MINDY2: variants seen among roughly 807,000 people sequenced by gnomAD.
The protein encoded by MINDY2 is MINDY lysine 48 deubiquitinase 2.
A neutral mutation model predicts 68.2 loss-of-function variants in MINDY2; 52 were observed. The observed-to-expected ratio is 0.76, with a 90% confidence interval of 0.61 to 0.96. The LOEUF is 0.96. MINDY2 is among the 40% of genes least tolerant of loss of function. MINDY2 has a pLI of 0.00. For synonymous variants in MINDY2, 372 were observed against 303.0 expected, an observed-to-expected ratio of 1.23 and a Z score of -2.36; for missense variants, 881 against 773.4, an observed-to-expected ratio of 1.14 and a Z score of -1.65.
chr15:58,813,888 A>G (rs1353191636), intron 4 of MINDY2, among the ~76,000 whole-genome samples: 3 of 147,002 alleles, frequency 2.0e-5, no homozygotes, highest in Admixed American at 6.8e-5. Flanking sequence ...TATTTTAGCC[A>G]TTCTTAGGTA....
At chr15:58,782,465 T>A (rs1474207113) in intron 1 of MINDY2, among the ~76,000 whole-genome samples, 1 of 152,206 alleles carries the variant, frequency 6.6e-6, no homozygotes, top group Non-Finnish European at 1.5e-5. Context: ...GCAGACATCA[T>A]TTTCTTCTAC....
chr15:58,848,318 C>G (rs2032637511), intron 7 of MINDY2, among the ~76,000 whole-genome samples: 1 of 152,088 alleles, frequency 6.6e-6, no homozygotes. Flanking sequence ...TAATTAGGTC[C>G]TAGAGATACA....
intron 1 of MINDY2, among the ~76,000 whole-genome samples, chr15:58,784,945 T>G (rs573734309): frequency 6.6e-6 from 1 of 151,948 alleles, no homozygotes; most frequent in South Asian, 2.1e-4. Context: ...TGTTATTTTT[T>G]TCATTGTAAA....
intron 5 of MINDY2, among the ~76,000 whole-genome samples, chr15:58,826,079 C>A (rs2031374884): frequency 6.6e-6 from 1 of 151,612 alleles, no homozygotes; most frequent in Non-Finnish European, 1.5e-5. Context: ...GTTTCCTTTT[C>A]TTTTTCTTTC....
intron 1 of MINDY2, among the ~76,000 whole-genome samples, chr15:58,780,355 T>C (rs1901054890): frequency 3.3e-5 from 5 of 151,218 alleles, no homozygotes; most frequent in Admixed American, 3.3e-4. Context: ...TGAGCCGAGA[T>C]AGCGCCATTG....
At chr15:58,839,426 G>A (rs1253271927) in intron 6 of MINDY2, among the ~76,000 whole-genome samples, 4 of 151,986 alleles carry the variant, frequency 2.6e-5, no homozygotes, top group Non-Finnish European at 4.4e-5. Context: ...CCACCTCCCC[G>A]GTTCAAGTGA....
Position 58,861,121 on chromosome 15 carries a change from G to C in MINDY2, c.*6511G>C, listed in dbSNP as rs565002783. ...GCTAGTGCGTGTGAATCTTTTCCTT[G>C]AATTGTGCAGAATAATTGGATTGAG... is the stretch of plus-strand genomic sequence containing the variant. On this transcript the variant is annotated 3_prime_UTR_variant, in exon 9 of 9. Coordinates refer to ENST00000559228, the MANE Select transcript of MINDY2 (RefSeq NM_001040450.3). The C allele has an allele frequency of 1.3e-5, 2 of 152,302 alleles. No homozygotes were observed. Among genetic ancestry groups the C allele is most frequent in the Non-Finnish European group, 2.9e-5 (2 of 68,026 alleles). The allele number at this position is 152,302 out of a possible 1,614,324, so 9.4% of individuals were successfully genotyped here. A position where few individuals can be genotyped will look rare whatever the true frequency, so the allele number is the denominator to read the frequency against.
At chr15:58,800,597 C>G (rs2140950293) in intron 2 of MINDY2, among the ~76,000 whole-genome samples, 1 of 151,930 alleles carries the variant, frequency 6.6e-6, no homozygotes, top group South Asian at 2.1e-4. Context: ...TCATTCTTCC[C>G]CTCAAAAGAT....
intron 6 of MINDY2, among the ~76,000 whole-genome samples, chr15:58,841,195 C>G (rs1407840151): frequency 6.6e-6 from 1 of 151,578 alleles, no homozygotes; most frequent in East Asian, 2.0e-4. Context: ...GTTGACCAGG[C>G]TGGTGTTGAA....
intron 6 of MINDY2, among the ~76,000 whole-genome samples, chr15:58,834,174 T>G (rs574757092): frequency 6.6e-6 from 1 of 152,240 alleles, no homozygotes; most frequent in East Asian, 1.9e-4. Context: ...GGGGGTAGGG[T>G]TACAGATTAA....
intron 2 of MINDY2, among the ~76,000 whole-genome samples, chr15:58,796,723 A>G (rs1473420929): frequency 1.3e-5 from 2 of 152,202 alleles, no homozygotes; most frequent in East Asian, 1.9e-4. Flanking sequence ...GGGTTTCCCC[A>G]TGTTGGCCGG....
intron 8 of MINDY2, among the ~76,000 whole-genome samples, chr15:58,852,647 G>A (rs1421314610): frequency 4.6e-5 from 7 of 151,988 alleles, no homozygotes; most frequent in Admixed American, 3.3e-4. Flanking sequence ...CTTGGATGAC[G>A]TCCTCTACCT....
At chr15:58,847,706 C>G (rs144129685) in intron 7 of MINDY2, among the ~76,000 whole-genome samples, 1 of 152,110 alleles carries the variant, frequency 6.6e-6, no homozygotes, top group Non-Finnish European at 1.5e-5. Context: ...GAATTTTATT[C>G]TAATTGCAGT....
intron 4 of MINDY2, 32 bp from the exon 5 acceptor site, chr15:58,821,685 C>A: frequency 7.5e-7 from 1 of 1,327,012 alleles, no homozygotes; most frequent in Non-Finnish European, 1.0e-6. Flanking sequence ...CTAATCTTAC[C>A]ATGATTAGTG....
intron 2 of MINDY2, among the ~76,000 whole-genome samples, chr15:58,791,718 ATTAAAT>A (rs1320862289): frequency 3.3e-5 from 5 of 151,466 alleles, no homozygotes; most frequent in African/African-American, 1.2e-4. Context: ...TATAATATAA[ATTAAAT>A]TTAATAGCCA....
In MINDY2 at chr15:58,771,764, G is replaced by C. The variant is rs1370595071; in HGVS notation, c.369G>C (p.Leu123Phe). Residue 123 changes from leucine to phenylalanine, a missense_variant, in exon 1 of 9, where the codon TTG (leucine) becomes TTC (phenylalanine). Coordinates refer to ENST00000559228, the MANE Select transcript of MINDY2 (RefSeq NM_001040450.3). ...CCGTGGCCGGAGTGGGTCATGAGTTGGGTACCGCCGGAGACGCGGGAGCCC... is the reference window on the plus strand; with the variant it reads ...CCGTGGCCGGAGTGGGTCATGAGTTCGGTACCGCCGGAGACGCGGGAGCCC... ...ETAVAGVGHE[L>F]GTAGDAGARP... 6.2e-7 allele frequency: 1 copy of C among 1,611,108 alleles called. No homozygotes were observed. Among genetic ancestry groups the C allele is most frequent in the South Asian group, 1.1e-5 (1 of 90,984 alleles).
At chr15:58,774,464 A>G (rs1900647997) in intron 1 of MINDY2, among the ~76,000 whole-genome samples, 1 of 150,814 alleles carries the variant, frequency 6.6e-6, no homozygotes, top group Non-Finnish European at 1.5e-5. Context: ...AGCCTGGGCA[A>G]CAAGAGTGAA....
At chr15:58,796,367 A>T (rs1478697148) in intron 2 of MINDY2, among the ~76,000 whole-genome samples, 2 of 152,222 alleles carry the variant, frequency 1.3e-5, no homozygotes, top group African/African-American at 4.8e-5. Context: ...TATAGTTGGT[A>T]AATCTGCATG....
intron 1 of MINDY2, among the ~76,000 whole-genome samples, chr15:58,778,810 CTTTTTTTT>C (rs1182523003): frequency 7.0e-5 from 8 of 114,374 alleles, no homozygotes; most frequent in African/African-American, 1.0e-4. Flanking sequence ...TTCTTTTTTT[CTTTTTTTT>C]TTTTTTTTTT....
Sources: allele counts gnomAD v4.1 joint callset (sites outside exome capture counted in the v4.1 genomes callset), GRCh38; gene constraint gnomAD v4.1.1; transcripts MANE v1.5; gene names NCBI Gene and HGNC (gene_info 2026-07-23, HGNC 2026-07-21).